Variants in MYZAP observed in about 807,000 individuals in gnomAD.
MYZAP encodes the protein myocardial zonula adherens protein, also known as GRINL1A complex locus upstream.
Under a neutral mutation model 69.4 loss-of-function variants are expected in MYZAP, and 66 were observed. The ratio of observed to expected loss-of-function variants is 0.95; its 90% CI spans 0.78 to 1.17. MYZAP has a LOEUF of 1.17. Among genes scored for constraint, MYZAP ranks in the 50% most tolerant of loss-of-function variants. The pLI, the probability that MYZAP is intolerant of heterozygous loss-of-function variation, is 0.00. For missense variants in MYZAP, 611 were observed against 556.2 expected (o/e 1.10, Z -0.99); for synonymous variants, 256 against 205.9 (o/e 1.24, Z -2.09).
intron 10 of MYZAP, among the ~76,000 whole-genome samples, chr15:57,658,149 T>C (rs1437618807): frequency 1.3e-5 from 2 of 152,190 alleles, no homozygotes; most frequent in African/African-American, 4.8e-5. Context: ...AGAGAGTAAT[T>C]GATGGAGCCC....
At chr15:57,675,790 C>T (rs1595940883) in intron 12 of MYZAP, among the ~76,000 whole-genome samples, 2 of 152,262 alleles carry the variant, frequency 1.3e-5, no homozygotes, top group East Asian at 1.9e-4. Flanking sequence ...TTCCCGGGTG[C>T]TCACAACTGT....
intron 1 of MYZAP, among the ~76,000 whole-genome samples, chr15:57,592,635 T>C (rs2033753341): frequency 6.6e-6 from 1 of 152,184 alleles, no homozygotes. Context: ...CTCCGGTTTA[T>C]GTAAACCACT....
chr15:57,650,743 A>G (rs1025031963), intron 10 of MYZAP, among the ~76,000 whole-genome samples: 32 of 152,194 alleles, frequency 2.1e-4, no homozygotes, highest in African/African-American at 6.8e-4. Context: ...GGGAGGAGGT[A>G]GTGTTTGACC....
At chr15:57,606,317 C>T (rs965265302) in intron 2 of MYZAP, among the ~76,000 whole-genome samples, 2 of 152,050 alleles carry the variant, frequency 1.3e-5, no homozygotes, top group Non-Finnish European at 2.9e-5. Context: ...AATATTCATG[C>T]CAAACTTGTT....
Position 57,639,924 on chromosome 15 carries a change from C to G in MYZAP, c.1119+379C>G, listed in dbSNP as rs181771869. Among the ~76,000 whole-genome samples the G allele has an allele frequency of 8.7e-4, 133 of 152,056 alleles. 3 individuals carry two copies. Among genetic ancestry groups the G allele is most frequent in the East Asian group, 7.4e-3 (38 of 5,168 alleles). On this transcript the variant is annotated intron_variant, in intron 10 of 12. Transcript: ENST00000267853. ...TGCCTCCACAGCCGTCTGTCTGTCT[C>G]TCTCTCTCTCTCTCAGCTACCATTC...
intron 10 of MYZAP, among the ~76,000 whole-genome samples, chr15:57,645,005 G>A (rs1228013512): frequency 5.3e-5 from 8 of 152,218 alleles, no homozygotes; most frequent in African/African-American, 9.6e-5. Context: ...GTGCATGTAT[G>A]CACGTGTCTG....
rs562528862 is a variant in MYZAP at position 57,643,206 on chromosome 15, T to C, written c.1119+3661T>C. 3.1e-4 allele frequency among the ~76,000 whole-genome samples: 47 copies of C among 152,110 alleles called. No homozygotes were observed. In the South Asian group the frequency reaches 9.4e-3, roughly 30 times the overall value. ...GAAAGAAAAAGCCCTCAAGGGGAAA[T>C]TAATTCATTCATCCATTCAGCAGAT... On this transcript the variant is annotated intron_variant, in intron 10 of 12. Coordinates refer to ENST00000267853, the MANE Select transcript of MYZAP (RefSeq NM_001018100.5).
chr15:57,598,501 G>A (rs934045236), intron 1 of MYZAP, among the ~76,000 whole-genome samples: 1 of 152,328 alleles, frequency 6.6e-6, no homozygotes, highest in African/African-American at 2.4e-5. Flanking sequence ...GCTATATTAA[G>A]TGGTGACGGT....
intron 5 of MYZAP, among the ~76,000 whole-genome samples, chr15:57,629,439 C>T (rs1421554719): frequency 6.6e-6 from 1 of 152,184 alleles, no homozygotes; most frequent in Non-Finnish European, 1.5e-5. Flanking sequence ...TTCCATCCAT[C>T]CTAAGCAGTG....
At position 57,642,658 on chromosome 15, in the gene MYZAP, G is replaced by T. The variant is rs1033478964; in HGVS notation, c.1119+3113G>T. On this transcript the variant is annotated intron_variant, in intron 10 of 12. Transcript: ENST00000267853. ...AGGAAACTTAGTTTTTTTAAATGAT[G>T]GGCTTCTTTTGTTTAGCTCAAAATG... 6.6e-5 allele frequency among the ~76,000 whole-genome samples: 10 copies of T among 152,134 alleles called. No individual in the cohort carries two copies. The East Asian group carries it at 1.9e-3, about 29-fold the overall frequency.
chr15:57,633,155 C>T (rs754439195), intron 7 of MYZAP, among the ~76,000 whole-genome samples: 7 of 152,228 alleles, frequency 4.6e-5, no homozygotes, highest in African/African-American at 7.2e-5. Flanking sequence ...CATCTGTGTC[C>T]GTAGAGGCTT....
In MYZAP at chr15:57,639,604, C is replaced by A. The variant is rs560445914; in HGVS notation, c.1119+59C>A. 1.9e-5 allele frequency: 29 copies of A among 1,566,632 alleles called. 1 individual carries two copies. The Admixed American group carries it at 4.2e-4, about 23-fold the overall frequency. On this transcript the variant is annotated intron_variant, in intron 10 of 12. Transcript: ENST00000267853. ...TGCTTCCTGTGGTGGGGAAGCATCC[C>A]CAGAACAAGTCTGCCTTGCCCCTCC...
chr15:57,670,453 C>T (rs2038816159), intron 11 of MYZAP, among the ~76,000 whole-genome samples: 2 of 152,052 alleles, frequency 1.3e-5, no homozygotes, highest in Non-Finnish European at 2.9e-5. Context: ...ATTCCAGCCA[C>T]TTACTTTCAA....
chr15:57,636,771 A>G (rs1053933957), intron 8 of MYZAP, among the ~76,000 whole-genome samples: 1 of 152,224 alleles, frequency 6.6e-6, no homozygotes, highest in African/African-American at 2.4e-5. Flanking sequence ...TTCTAAATAT[A>G]CATATATATA....
At chr15:57,628,295 G>A (rs1308859903) in intron 5 of MYZAP, among the ~76,000 whole-genome samples, 2 of 152,032 alleles carry the variant, frequency 1.3e-5, no homozygotes, top group Non-Finnish European at 2.9e-5. Flanking sequence ...TTTAGAGATG[G>A]GGTCTTGCTC....
intron 10 of MYZAP, among the ~76,000 whole-genome samples, chr15:57,653,192 G>A (rs1320131866): frequency 1.3e-5 from 2 of 152,088 alleles, no homozygotes; most frequent in African/African-American, 4.8e-5. Context: ...CCGACACTCT[G>A]ATTTTGAAAA....
chr15:57,676,782 T>C (rs1463910332), intron 12 of MYZAP, among the ~76,000 whole-genome samples: 5 of 152,144 alleles, frequency 3.3e-5, no homozygotes, highest in African/African-American at 9.7e-5. Context: ...AAGCAAACTT[T>C]TATGGCTAAG....
chr15:57,671,648 A>G (rs1024019025), intron 11 of MYZAP, among the ~76,000 whole-genome samples: 1 of 151,868 alleles, frequency 6.6e-6, no homozygotes, highest in Non-Finnish European at 1.5e-5. Context: ...TTTTTCCTTT[A>G]CCATCTTCAG....
chr15:57,680,918 G>A (rs2140668384), intron 12 of MYZAP: 1 of 152,254 alleles, frequency 6.6e-6, no homozygotes, highest in South Asian at 2.1e-4. Context: ...CCCCTTTATT[G>A]ATTAATAAAA....
Sources: gnomAD v4.1 joint callset for allele counts (sites outside exome capture counted in the v4.1 genomes callset) on GRCh38, gnomAD v4.1.1 for gene constraint, MANE v1.5 for transcripts, NCBI Gene and HGNC (gene_info 2026-07-23, HGNC 2026-07-21) for gene names.